Variants in LRP5 observed in about 807,000 individuals in gnomAD.
LRP5 encodes LDL receptor related protein 5.
In LRP5, 62 loss-of-function variants were observed where a neutral mutation model predicts 154.1. The ratio of observed to expected loss-of-function variants is 0.40; its 90% CI spans 0.33 to 0.50. LRP5 has a LOEUF of 0.50. Among genes scored for constraint, LRP5 ranks in the 20% least tolerant of loss-of-function variants. LRP5 has a pLI of 0.55. For synonymous variants in LRP5, 966 were observed against 1,011.5 expected, an observed-to-expected ratio of 0.96 and a Z score of 0.85; for missense variants, 1,915 against 2,336.7, an observed-to-expected ratio of 0.82 and a Z score of 3.72.
chr11:68,444,659 C>A lies in LRP5; in HGVS notation c.4489-1777C>A, dbSNP rs1419658115. Among the ~76,000 whole-genome samples, 3 of 147,654 alleles carry A rather than the reference C, an allele frequency of 2.0e-5. No homozygotes were observed. The East Asian group carries it at 6.0e-4, about 30-fold the overall frequency. ...CGGGACATCTGAGACATTGCCGAGG[C>A]GCTGCACTGGTGGATCTTGCCAGAA... On this transcript the variant is annotated intron_variant, in intron 21 of 22. Transcript: ENST00000294304.
rs1460396716 is a variant in LRP5, at chr11:68,423,699, T to G, written c.3236+2T>G. On this transcript the variant is annotated splice_donor_variant, in intron 14 of 22. Transcript: ENST00000294304. LOFTEE classifies it high-confidence loss of function. This position sits in a 1 kb window ranked among gnomAD's most constrained non-coding sequence, Gnocchi z 4.7. The stretch of plus-strand genomic sequence containing the variant: ...CATCGTCGTCAACGCGGAGCGAGGG[T>G]AGGAGGCCAACGGGTGGGTGGGGGT... 6.2e-7 allele frequency: 1 copy of G among 1,607,202 alleles called. No individual in the cohort carries two copies.
At chr11:68,304,581 A>G in the LRP5 span, among the ~76,000 whole-genome samples, 1 of 152,202 alleles carries the variant, frequency 6.6e-6, no homozygotes, top group Non-Finnish European at 1.5e-5. Flanking sequence ...AGCAGCTTGC[A>G]CCCTGCACCT....
intron 7 of LRP5, among the ~76,000 whole-genome samples, chr11:68,393,785 TAAAAC>T (rs1283473246): frequency 6.6e-6 from 1 of 151,950 alleles, no homozygotes; most frequent in Non-Finnish European, 1.5e-5. Context: ...CCATCTAAAA[TAAAAC>T]AAAAATAAAA....
intron 2 of LRP5, among the ~76,000 whole-genome samples, chr11:68,356,906 T>C (rs1324556190): frequency 6.6e-6 from 1 of 152,168 alleles, no homozygotes; most frequent in East Asian, 1.9e-4. Context: ...CTCCATGTCT[T>C]TTCATGGCTT....
At chr11:68,370,870 C>G (rs545306219) in intron 5 of LRP5, among the ~76,000 whole-genome samples, 1 of 152,158 alleles carries the variant, frequency 6.6e-6, no homozygotes, top group Non-Finnish European at 1.5e-5. Context: ...GTTCCAGATG[C>G]CGTGTGTAGG....
intron 6 of LRP5, among the ~76,000 whole-genome samples, chr11:68,388,342 G>A (rs763640044): frequency 6.6e-6 from 1 of 152,138 alleles, no homozygotes; most frequent in Non-Finnish European, 1.5e-5. Flanking sequence ...GAAAAAGGAA[G>A]GGATGGGGAA....
chr11:68,425,665 C>T (rs2098668362), intron 15 of LRP5, among the ~76,000 whole-genome samples: 1 of 152,204 alleles, frequency 6.6e-6, no homozygotes, highest in Non-Finnish European at 1.5e-5. Context: ...GCGCAGGTCC[C>T]CATGGCTTTT....
At chr11:68,327,846 A>G (rs2098600584) in intron 1 of LRP5, among the ~76,000 whole-genome samples, 2 of 152,194 alleles carry the variant, frequency 1.3e-5, no homozygotes, top group South Asian at 4.1e-4. Flanking sequence ...GCACGCTGTC[A>G]GTCCACAATG....
chr11:68,398,347 G>A (rs942687702), intron 7 of LRP5, among the ~76,000 whole-genome samples: 59 of 152,216 alleles, frequency 3.9e-4, no homozygotes, highest in African/African-American at 1.3e-3. Flanking sequence ...GCTGGCAGCC[G>A]GCGGCCGGCC....
At chr11:68,367,133 A>C (rs908691844) in intron 5 of LRP5, among the ~76,000 whole-genome samples, 1 of 152,148 alleles carries the variant, frequency 6.6e-6, no homozygotes, top group African/African-American at 2.4e-5. Context: ...TCGGCCTCAA[A>C]GGCAATGTTG....
chr11:68,301,715 C>T, the LRP5 span, among the ~76,000 whole-genome samples: 2 of 138,896 alleles, frequency 1.4e-5, 1 homozygote, highest in South Asian at 4.4e-4. Context: ...CTCCACCTCC[C>T]AGGTTCACAC....
chr11:68,340,523 A>T (rs1240583440), intron 1 of LRP5, among the ~76,000 whole-genome samples: 2 of 152,056 alleles, frequency 1.3e-5, no homozygotes, highest in Non-Finnish European at 2.9e-5. Flanking sequence ...TAAGCCTCGC[A>T]CTCTGTGATG....
At chr11:68,435,951 C>A (rs2098674634) in intron 18 of LRP5, among the ~76,000 whole-genome samples, 1 of 152,200 alleles carries the variant, frequency 6.6e-6, no homozygotes, top group South Asian at 2.1e-4. Context: ...GTCTCAAACT[C>A]CTGGCCTCAA....
intron 1 of LRP5, among the ~76,000 whole-genome samples, chr11:68,320,322 G>A (rs1470307665): frequency 6.6e-6 from 1 of 152,094 alleles, no homozygotes; most frequent in African/African-American, 2.4e-5. Context: ...GTCCAGTTTG[G>A]TTAAAAATTA....
At chr11:68,443,442 A>G (rs2098679225) in intron 21 of LRP5, among the ~76,000 whole-genome samples, 1 of 138,212 alleles carries the variant, frequency 7.2e-6, no homozygotes, top group African/African-American at 2.7e-5. Flanking sequence ...GTGAGCCGAG[A>G]TCGCGCCATT....
At chr11:68,302,241 G>C in the LRP5 span, among the ~76,000 whole-genome samples, 1 of 151,254 alleles carries the variant, frequency 6.6e-6, no homozygotes, top group Non-Finnish European at 1.5e-5. Context: ...AGCTACTCAG[G>C]AGGCTGAGGC....
In LRP5 at chr11:68,426,254, G is replaced by A. The variant is rs535536399; in HGVS notation, c.3637+67G>A. On this transcript the variant is annotated intron_variant, in intron 16 of 22. Coordinates refer to ENST00000294304, the MANE Select transcript of LRP5 (RefSeq NM_002335.4). ...AACCCGACCCCTGGAGGAGGCTGGAGGCCAGTGCAAGATCCTGTGTGGCCT... is the reference window on the plus strand; with the variant it reads ...AACCCGACCCCTGGAGGAGGCTGGAAGCCAGTGCAAGATCCTGTGTGGCCT... The A allele has an allele frequency of 3.6e-6, 5 of 1,408,068 alleles. No individual in the cohort carries two copies. The African/African-American group carries it at 5.6e-5, about 16-fold the overall frequency. 87.2% of individuals were successfully genotyped at this position (1,408,068 alleles called of 1,614,324 possible).
At chr11:68,378,423 G>A (rs543926025) in intron 5 of LRP5, among the ~76,000 whole-genome samples, 5 of 151,914 alleles carry the variant, frequency 3.3e-5, no homozygotes, top group African/African-American at 4.8e-5. Context: ...CGAATGAGCC[G>A]TCGGTACCCA....
intron 21 of LRP5, among the ~76,000 whole-genome samples, chr11:68,444,715 C>T (rs1385821168): frequency 6.6e-6 from 1 of 152,006 alleles, no homozygotes; most frequent in Non-Finnish European, 1.5e-5. Flanking sequence ...GGCAGAATCT[C>T]AAACTGCCTT....
Sources: allele counts gnomAD v4.1 joint callset (sites outside exome capture counted in the v4.1 genomes callset), GRCh38; gene constraint gnomAD v4.1.1; non-coding constraint Gnocchi (gnomAD v3.1); transcripts MANE v1.5; gene names NCBI Gene and HGNC (gene_info 2026-07-23, HGNC 2026-07-21).